SV2B: variants seen among roughly 807,000 people sequenced by gnomAD.
SV2B encodes synaptic vesicle glycoprotein 2B.
Under a neutral mutation model 73.9 loss-of-function variants are expected in SV2B, and 41 were observed. The observed-to-expected ratio is 0.56, with a 90% CI of 0.43 to 0.72. The LOEUF (loss-of-function observed/expected upper bound fraction) is 0.72. SV2B is among the 30% of genes least tolerant of loss of function. SV2B has a pLI of 0.00. For synonymous variants in SV2B, 314 were observed against 314.2 expected, an observed-to-expected ratio of 1.00 and a Z score of 0.01; for missense variants, 764 against 857.8, an observed-to-expected ratio of 0.89 and a Z score of 1.37.
intron 1 of SV2B, among the ~76,000 whole-genome samples, chr15:91,202,089 A>G (rs529835431): frequency 2.6e-5 from 4 of 152,110 alleles, no homozygotes; most frequent in African/African-American, 9.6e-5. Context: ...TCTTTACTCA[A>G]ATGTCACCTA....
rs1464256672 is a variant in SV2B, at chr15:91,289,981, A to G, written c.1868+301A>G. On this transcript the variant is annotated intron_variant, in intron 12 of 12. Coordinates refer to ENST00000394232, the MANE Select transcript of SV2B (RefSeq NM_001323032.3). The surrounding 1 kb of genome is among the most constrained non-coding windows in gnomAD (Gnocchi z 4.9). ...AAACCATATGTGTCATGTAATCCAC[A>G]AGAGAGAACAGACCTTCAAGGGGAG... Among the ~76,000 whole-genome samples the G allele has an allele frequency of 4.6e-5, 7 of 152,220 alleles. No homozygotes were observed. The highest frequency in any genetic ancestry group is 4.6e-4 in the Admixed American group (7 of 15,290).
rs1252487447 is a variant in SV2B, at chr15:91,258,021, A to G, written c.785-400A>G. Among the ~76,000 whole-genome samples, 2 of 152,208 alleles carry G rather than the reference A, an allele frequency of 1.3e-5. No individual in the cohort carries two copies. Among genetic ancestry groups the G allele is most frequent in the African/African-American group, 4.8e-5 (2 of 41,450 alleles). On this transcript the variant is annotated intron_variant, in intron 4 of 12. Transcript: ENST00000394232. This position sits in a 1 kb window ranked among gnomAD's most constrained non-coding sequence, Gnocchi z 4.7. ...AGCTTGTTGCTTGTCAAGGCAGGCAAATAGAATATGTTTCCTTTAACAATC... is the reference window on the plus strand; with the variant it reads ...AGCTTGTTGCTTGTCAAGGCAGGCAGATAGAATATGTTTCCTTTAACAATC...
intron 6 of SV2B, among the ~76,000 whole-genome samples, chr15:91,260,691 G>T (rs975217015): frequency 2.0e-5 from 3 of 152,116 alleles, no homozygotes; most frequent in South Asian, 2.1e-4. Context: ...TCATGCTGCT[G>T]ATAAAGACAT....
intron 1 of SV2B, among the ~76,000 whole-genome samples, chr15:91,218,030 G>A (rs752284010): frequency 3.9e-5 from 6 of 152,154 alleles, no homozygotes; most frequent in Admixed American, 2.6e-4. Context: ...CTTTCTTATC[G>A]TTGCTAGGAT....
chr15:91,180,447 C>T (rs1306448310), intron 1 of SV2B, among the ~76,000 whole-genome samples: 1 of 152,074 alleles, frequency 6.6e-6, no homozygotes, highest in African/African-American at 2.4e-5. Flanking sequence ...GCCTGCCTTG[C>T]TAGATTGGAG....
chr15:91,277,595 A>G (rs2048535543), intron 9 of SV2B, among the ~76,000 whole-genome samples: 1 of 152,182 alleles, frequency 6.6e-6, no homozygotes, highest in Non-Finnish European at 1.5e-5. Flanking sequence ...TACTTAGCAT[A>G]ATGCATTTGG....
In SV2B at chr15:91,300,319, C is replaced by G. The variant is rs1427427797; in HGVS notation, c.*7767C>G. The G allele has an allele frequency of 1.3e-5, 2 of 152,122 alleles. No individual in the cohort carries two copies. The highest frequency in any genetic ancestry group is 2.9e-5 in the Non-Finnish European group (2 of 68,016). The allele number at this position is 152,122 out of a possible 1,614,324, so 9.4% of individuals were successfully genotyped here. ...GAATCCTGGAAGTCCCCAACTCTAC[C>G]AGACCAAAAGGGTGTCTCTATTTTT... is the stretch of plus-strand genomic sequence containing the variant. On this transcript the variant is annotated 3_prime_UTR_variant, in exon 13 of 13. Coordinates refer to ENST00000394232, the MANE Select transcript of SV2B (RefSeq NM_001323032.3).
At chr15:91,116,496 G>A (rs1224692162) in intron 1 of SV2B, among the ~76,000 whole-genome samples, 3 of 152,186 alleles carry the variant, frequency 2.0e-5, no homozygotes, top group African/African-American at 2.4e-5. Flanking sequence ...TCTGCATCCC[G>A]TGCAGAACGT....
rs1045711089 is a variant in SV2B, at chr15:91,296,537, C to G, written c.*3985C>G. Reference sequence around the variant, plus strand: ...GATCATGGGCGCACGTTCCTTCTGCCTGATCGTTGGGAGCACACTCCTTCT... The same window carrying G: ...GATCATGGGCGCACGTTCCTTCTGCGTGATCGTTGGGAGCACACTCCTTCT... On this transcript the variant is annotated 3_prime_UTR_variant, in exon 13 of 13. Coordinates refer to ENST00000394232, the MANE Select transcript of SV2B (RefSeq NM_001323032.3). The G allele has an allele frequency of 3.3e-5, 5 of 149,378 alleles. No individual in the cohort carries two copies. Among genetic ancestry groups the G allele is most frequent in the Admixed American group, 1.3e-4 (2 of 14,916 alleles). The allele number at this position is 149,378 out of a possible 1,614,324, so 9.3% of individuals were successfully genotyped here.
intron 2 of SV2B, among the ~76,000 whole-genome samples, chr15:91,248,326 A>G (rs571686656): frequency 7.1e-4 from 108 of 152,276 alleles, no homozygotes; most frequent in Middle Eastern, 3.4e-3. Context: ...AACAAAAAAC[A>G]AACAAACAAA....
At chr15:91,147,965 C>CTTT (rs60896008) in intron 1 of SV2B, among the ~76,000 whole-genome samples, 1,231 of 39,336 alleles carry the variant, frequency 0.031, 250 homozygotes, top group Non-Finnish European at 0.04. Flanking sequence ...CCCCCCCCAA[C>CTTT]TTTTTTTTTT....
At position 91,297,052 on chromosome 15, in the gene SV2B, ACGCTCCTTCTGCCTGATCGTTGGGC is replaced by A. The variant is rs2049278171; in HGVS notation, c.*4501_*4525del. On this transcript the variant is annotated 3_prime_UTR_variant, in exon 13 of 13. Coordinates refer to ENST00000394232, the MANE Select transcript of SV2B (RefSeq NM_001323032.3). This position sits in a 1 kb window ranked among gnomAD's most constrained non-coding sequence, Gnocchi z 5.1. ...CTTCTTCTGCCTGATCGTTGGGCGCACGCTCCTTCTGCCTGATCGTTGGGCGCACGCTCCTTCTGCCTGATCGTTG... is the reference window on the plus strand; with the variant it reads ...CTTCTTCTGCCTGATCGTTGGGCGCAGCACGCTCCTTCTGCCTGATCGTTG... 6.7e-6 allele frequency: 1 copy of A among 149,084 alleles called. No homozygotes were observed. Among genetic ancestry groups the A allele is most frequent in the Non-Finnish European group, 1.5e-5 (1 of 68,680 alleles). The allele number at this position is 149,084 out of a possible 1,614,324, so 9.2% of individuals were successfully genotyped here.
At chr15:91,133,074 CA>C (rs1186156472) in intron 1 of SV2B, among the ~76,000 whole-genome samples, 2 of 152,174 alleles carry the variant, frequency 1.3e-5, no homozygotes, top group African/African-American at 4.8e-5. Flanking sequence ...TCACATTTTG[CA>C]GGCGGAGAAA....
rs770774753 is a variant in SV2B, at chr15:91,268,605, A to G, written c.1373A>G (p.Lys458Arg). Residue 458 changes from lysine (K) to arginine (R), a missense_variant and splice_region_variant, in exon 9 of 13, where the codon AAG becomes AGG. Physicochemically the swap from Lys to Arg is conservative, Grantham distance 26. Transcript: ENST00000394232. The surrounding 1 kb of genome is among the most constrained non-coding windows in gnomAD (Gnocchi z 4.4). ...CAACATGGGAAACTTGTGAATGATAAGTAAGTGAGTGATCACGGGCTTCCC... is the reference window on the plus strand; with the variant it reads ...CAACATGGGAAACTTGTGAATGATAGGTAAGTGAGTGATCACGGGCTTCCC... Reference protein sequence around the residue: ...IHQHGKLVNDKFTRMYFKHVL... With the variant: ...IHQHGKLVNDRFTRMYFKHVL... 1.9e-6 allele frequency: 3 copies of G among 1,609,006 alleles called. No homozygotes were observed. The highest frequency in any genetic ancestry group is 2.2e-5 in the South Asian group (2 of 90,920).
chr15:91,285,793 G>A (rs796339756), intron 11 of SV2B, among the ~76,000 whole-genome samples: 8 of 152,226 alleles, frequency 5.3e-5, no homozygotes, highest in African/African-American at 1.9e-4. Flanking sequence ...GGGAGGCAGG[G>A]TTATAAGGCT....
At chr15:91,287,443 C>A (rs1018031273) in intron 11 of SV2B, among the ~76,000 whole-genome samples, 2 of 152,170 alleles carry the variant, frequency 1.3e-5, no homozygotes, top group Non-Finnish European at 2.9e-5. Flanking sequence ...ACCTCATTGC[C>A]AGTCACTTTT....
chr15:91,263,053 G>A (rs2047967401), intron 6 of SV2B, among the ~76,000 whole-genome samples: 1 of 152,012 alleles, frequency 6.6e-6, no homozygotes. Context: ...CATCAACCTG[G>A]CCTGAAACAC....
chr15:91,254,561 T>C (rs1252603648), intron 4 of SV2B, among the ~76,000 whole-genome samples: 1 of 152,152 alleles, frequency 6.6e-6, no homozygotes, highest in Non-Finnish European at 1.5e-5. Context: ...AATGAAGTGA[T>C]TGAAAAACCT....
intron 9 of SV2B, among the ~76,000 whole-genome samples, chr15:91,273,052 C>G (rs769482401): frequency 6.6e-6 from 1 of 152,020 alleles, no homozygotes; most frequent in African/African-American, 2.4e-5. Flanking sequence ...AGGCTGGTCT[C>G]GAACTCCTGA....
Sources: gnomAD v4.1 joint callset for allele counts (sites outside exome capture counted in the v4.1 genomes callset) on GRCh38, gnomAD v4.1.1 for gene constraint, Gnocchi (gnomAD v3.1) non-coding constraint, MANE v1.5 for transcripts, NCBI Gene and HGNC (gene_info 2026-07-23, HGNC 2026-07-21) for gene names.